Variants in PCDHA2 observed in about 807,000 individuals in gnomAD.
The protein encoded by PCDHA2 is protocadherin alpha 2.
In PCDHA2, 58 loss-of-function variants were observed where a neutral mutation model predicts 66.0. The ratio of observed to expected loss-of-function variants is 0.88; its 90% CI spans 0.71 to 1.09. The LOEUF is 1.09. Among genes scored for constraint, PCDHA2 ranks in the 50% least tolerant of loss-of-function variants. PCDHA2 has a pLI of 0.00. For missense variants in PCDHA2, 1,267 were observed against 1,242.3 expected, an observed-to-expected ratio of 1.02 and a Z score of -0.30; for synonymous variants, 634 against 554.0, an observed-to-expected ratio of 1.14 and a Z score of -2.03.
chr5:140,988,204 AG>A (rs2097287084), intron 3 of PCDHA2, among the ~76,000 whole-genome samples: 1 of 152,100 alleles, frequency 6.6e-6, no homozygotes, highest in South Asian at 2.1e-4. Context: ...TATCCTTATT[AG>A]GAAAAAAAAA....
At chr5:140,887,263 A>AT (rs1336620900) in intron 1 of PCDHA2, among the ~76,000 whole-genome samples, 1 of 151,790 alleles carries the variant, frequency 6.6e-6, no homozygotes, top group Non-Finnish European at 1.5e-5. Flanking sequence ...CGCCCTGCTA[A>AT]TTTTTTGTAT....
chr5:140,857,861 T>A lies in PCDHA2; in HGVS notation c.2388+60509T>A, dbSNP rs890760526. 6.3e-7 allele frequency: 1 copy of A among 1,597,494 alleles called. No homozygotes were observed. The highest frequency in any genetic ancestry group is 2.2e-5 in the East Asian group (1 of 44,806). ...GGACGCTGACTCTGGATACAACGCGTGGCTGTCGTATGAATTGCAGTCGGC... is the reference window on the plus strand; with the variant it reads ...GGACGCTGACTCTGGATACAACGCGAGGCTGTCGTATGAATTGCAGTCGGC... On this transcript the variant is annotated intron_variant, in intron 1 of 3. Transcript: ENST00000526136.
intron 1 of PCDHA2, chr5:140,804,748 T>C: frequency 4.6e-6 from 1 of 215,850 alleles, no homozygotes; most frequent in Non-Finnish European, 9.1e-6. Context: ...TTTGGTTATC[T>C]CCTCTAGCAA....
Position 140,796,539 on chromosome 5 carries a change from C to T in PCDHA2, c.1575C>T (p.His525=), listed in dbSNP as rs1183970604. The change falls in exon 1 of 4, where the codon CAC becomes CAT. Residue 525 remains histidine (H), a synonymous_variant. Coordinates refer to ENST00000526136, the MANE Select transcript of PCDHA2 (RefSeq NM_018905.3). The part of the protein sequence containing the change: ...GKVYALQPLD[H]EEVELLQFQV... ...TGTACGCGCTGCAGCCGCTGGACCA[C>T]GAGGAAGTGGAGCTGCTGCAGTTCC... The T allele has an allele frequency of 3.1e-6, 5 of 1,612,894 alleles. No homozygotes were observed. The highest frequency in any genetic ancestry group is 1.9e-4 in the Middle Eastern group (1 of 5,332).
rs149618945 is a variant in PCDHA2, at chr5:140,795,088, G to T, written c.124G>T (p.Gly42Cys). The T allele has an allele frequency of 5.3e-5, 86 of 1,613,878 alleles. No homozygotes were observed. The highest frequency in any genetic ancestry group is 3.3e-4 in the Admixed American group (20 of 60,006). ...CTCCGTCCCCGAGGAGGCCAAACAC[G>T]GCACCTTCGTGGGCCGCATCGCGCA... ...RYSVPEEAKH[G>C]TFVGRIAQDL... The change falls in exon 1 of 4, where the codon GGC becomes TGC. Residue 42 changes from glycine to cysteine, a missense_variant. Coordinates refer to ENST00000526136, the MANE Select transcript of PCDHA2 (RefSeq NM_018905.3).
chr5:140,806,999 C>G lies in PCDHA2; in HGVS notation c.2388+9647C>G, dbSNP rs1193056952. 6 of 721,872 alleles carry G rather than the reference C, an allele frequency of 8.3e-6. 1 individual carries two copies. The Middle Eastern group carries it at 1.2e-3, about 146-fold the overall frequency. The allele number at this position is 721,872 out of a possible 1,614,324, so 44.7% of individuals were successfully genotyped here. A position where few individuals can be genotyped will look rare whatever the true frequency, so the allele number is the denominator to read the frequency against. ...CGGTTTGGAGCCACATGATGTCGCT[C>G]TTTACCACAAAATACATGAGAGAAG... On this transcript the variant is annotated intron_variant, in intron 1 of 3. Transcript: ENST00000526136.
intron 1 of PCDHA2, chr5:140,830,343 C>A (rs2150185146): frequency 6.2e-7 from 1 of 1,614,058 alleles, no homozygotes; most frequent in South Asian, 1.1e-5. Flanking sequence ...TGGTCGTACT[C>A]GCAGCAGAGG....
chr5:140,900,907 T>C (rs1156878452), intron 1 of PCDHA2, among the ~76,000 whole-genome samples: 1 of 152,190 alleles, frequency 6.6e-6, no homozygotes, highest in African/African-American at 2.4e-5. Context: ...ATTTTAACTG[T>C]GGTAAGATGA....
chr5:140,836,098 G>A, intron 1 of PCDHA2: 5 of 1,613,714 alleles, frequency 3.1e-6, no homozygotes, highest in Non-Finnish European at 4.2e-6. Context: ...CGGGTGGGTG[G>A]CACTGGTGGC....
At position 140,809,241 on chromosome 5, in the gene PCDHA2, G is replaced by A. The variant is rs1241553010; in HGVS notation, c.2388+11889G>A. ...AAGGCCTCCTCACGGGCGTTGGTGG[G>A]CGCTGTGGGTCCCGATGCTGCGCTG... On this transcript the variant is annotated intron_variant, in intron 1 of 3. Transcript: ENST00000526136. 3 of 1,613,960 alleles carry A rather than the reference G, an allele frequency of 1.9e-6. No individual in the cohort carries two copies. The Admixed American group carries it at 5.0e-5, about 27-fold the overall frequency.
At chr5:140,836,867 G>T in intron 1 of PCDHA2, 1 of 732,152 alleles carries the variant, frequency 1.4e-6, no homozygotes. Flanking sequence ...TTAATGTTAT[G>T]CTGTATTTGC....
intron 1 of PCDHA2, among the ~76,000 whole-genome samples, chr5:140,904,512 C>T (rs1251570223): frequency 5.9e-5 from 9 of 151,738 alleles, no homozygotes; most frequent in Admixed American, 3.3e-4. Flanking sequence ...GTGAATTGTG[C>T]TGCTATAAAC....
At chr5:140,814,647 CCAA>C (rs1365863768) in intron 1 of PCDHA2, 1 of 151,984 alleles carries the variant, frequency 6.6e-6, no homozygotes, top group Non-Finnish European at 1.5e-5. Context: ...TTTGTTTACA[CCAA>C]CATCACCACA....
intron 1 of PCDHA2, chr5:140,878,017 G>A: frequency 1.2e-6 from 1 of 800,034 alleles, no homozygotes; most frequent in Non-Finnish European, 1.8e-6. Flanking sequence ...ATTAATGAAG[G>A]AAATATGTAG....
intron 1 of PCDHA2, chr5:140,843,157 G>T: frequency 6.3e-7 from 1 of 1,596,132 alleles, no homozygotes; most frequent in Non-Finnish European, 8.6e-7. Context: ...ATGAGCTGCA[G>T]CCAGCTGCAA....
intron 1 of PCDHA2, chr5:140,835,731 G>GA: frequency 6.2e-7 from 1 of 1,613,790 alleles, no homozygotes; most frequent in Non-Finnish European, 8.5e-7. Flanking sequence ...CGACGTGAAC[G>GA]ACAACGCCCC....
chr5:140,829,961 G>T, intron 1 of PCDHA2: 2 of 1,613,994 alleles, frequency 1.2e-6, no homozygotes, highest in Non-Finnish European at 1.7e-6. Flanking sequence ...CCCGTTTCGC[G>T]TGGGGCTGTA....
chr5:140,981,917 A>G (rs1465971302), intron 2 of PCDHA2, among the ~76,000 whole-genome samples: 1 of 152,218 alleles, frequency 6.6e-6, no homozygotes, highest in Non-Finnish European at 1.5e-5. Flanking sequence ...GTGGTGATCA[A>G]GTTTCTCTAG....
At chr5:140,927,089 TC>T in intron 1 of PCDHA2, 1 of 1,612,460 alleles carries the variant, frequency 6.2e-7, no homozygotes, top group Non-Finnish European at 8.5e-7. Context: ...GAGCTCTACT[TC>T]GGGGTGGATC....
Sources: allele counts gnomAD v4.1 joint callset (sites outside exome capture counted in the v4.1 genomes callset), GRCh38; gene constraint gnomAD v4.1.1; transcripts MANE v1.5; gene names NCBI Gene and HGNC (gene_info 2026-07-23, HGNC 2026-07-21).